Variants in CCDC60 observed in about 807,000 individuals in gnomAD.
CCDC60 encodes coiled-coil domain containing 60.
Under a neutral mutation model 63.5 loss-of-function variants are expected in CCDC60, and 54 were observed. The observed-to-expected ratio is 0.85, with a 90% CI of 0.68 to 1.07. CCDC60 has a LOEUF of 1.07. Ranked by LOEUF, CCDC60 falls within the 50% of genes least tolerant of loss-of-function variation. CCDC60 has a pLI of 0.00. For missense variants in CCDC60, 651 were observed against 684.3 expected (o/e 0.95, Z 0.54); for synonymous variants, 206 against 238.8 (o/e 0.86, Z 1.27).
At chr12:119,482,709 G>A (rs1204673462) in intron 4 of CCDC60, among the ~76,000 whole-genome samples, 2 of 152,120 alleles carry the variant, frequency 1.3e-5, no homozygotes, top group African/African-American at 2.4e-5. Context: ...TTAAAACAAC[G>A]ATTTAGTATT....
chr12:119,476,058 A>G (rs1257935223), intron 3 of CCDC60, among the ~76,000 whole-genome samples: 1 of 152,130 alleles, frequency 6.6e-6, no homozygotes, highest in Non-Finnish European at 1.5e-5. Context: ...GCATCATAAA[A>G]GCGAAAGGAA....
At position 119,473,993 on chromosome 12, in the gene CCDC60, G is replaced by A. The variant is rs867957461; in HGVS notation, c.341+1829G>A. ...CCTCTGAGTAGATACTGAGTAGTGG[G>A]ATTGCTGGATCAAATGGTAGTTCTA... On this transcript the variant is annotated intron_variant, in intron 3 of 13. Coordinates refer to ENST00000327554, the MANE Select transcript of CCDC60 (RefSeq NM_178499.5). 4.7e-4 allele frequency among the ~76,000 whole-genome samples: 71 copies of A among 152,290 alleles called. 1 individual carries two copies. The highest frequency in any genetic ancestry group is 1.5e-3 in the African/African-American group (63 of 41,558).
intron 2 of CCDC60, among the ~76,000 whole-genome samples, chr12:119,439,262 T>A (rs1950391878): frequency 6.6e-6 from 1 of 151,702 alleles, no homozygotes; most frequent in African/African-American, 2.4e-5. Flanking sequence ...AACTTGTGTG[T>A]GTGTGCACGT....
chr12:119,512,943 C>A (rs1952252654), intron 7 of CCDC60, among the ~76,000 whole-genome samples: 1 of 152,210 alleles, frequency 6.6e-6, no homozygotes, highest in Admixed American at 6.5e-5. Flanking sequence ...TCTCCAATGG[C>A]TCTCTGTCTG....
chr12:119,517,290 G>A (rs1288919071), intron 8 of CCDC60, among the ~76,000 whole-genome samples: 1 of 152,048 alleles, frequency 6.6e-6, no homozygotes, highest in African/African-American at 2.4e-5. Context: ...CACCATACCT[G>A]GCAAATCCAG....
intron 2 of CCDC60, among the ~76,000 whole-genome samples, chr12:119,459,179 A>G (rs535029229): frequency 1.3e-5 from 2 of 152,298 alleles, no homozygotes; most frequent in Non-Finnish European, 2.9e-5. Flanking sequence ...TTCTGGAAAG[A>G]GTTCCTTTCA....
chr12:119,500,632 T>C (rs1002558645), intron 6 of CCDC60, among the ~76,000 whole-genome samples: 6 of 145,358 alleles, frequency 4.1e-5, no homozygotes, highest in African/African-American at 1.5e-4. Flanking sequence ...GGCAGGAGGA[T>C]CGCTTGAGCC....
chr12:119,523,709 A>T lies in CCDC60; in HGVS notation c.1120A>T (p.Ile374Phe), dbSNP rs974962702. The T allele has an allele frequency of 1.2e-6, 2 of 1,614,190 alleles. No homozygotes were observed. Among genetic ancestry groups the T allele is most frequent in the African/African-American group, 2.7e-5 (2 of 75,066 alleles). ...TGTCCACAGCCGCACTAATTGTGAC[A>T]TCAACATCCACTACAAGAGTGGGGT... ...KKSKNRTNCD[I>F]NIHYKSGVCN... The change falls in exon 11 of 14, where the codon ATC (isoleucine) becomes TTC (phenylalanine). Residue 374 changes from isoleucine (I) to phenylalanine (F), a missense_variant. Coordinates refer to ENST00000327554, the MANE Select transcript of CCDC60 (RefSeq NM_178499.5).
intron 2 of CCDC60, chr12:119,447,947 T>C (rs761556561): frequency 6.8e-6 from 1 of 146,454 alleles, no homozygotes; most frequent in African/African-American, 2.6e-5. Flanking sequence ...CTGAGTCTAA[T>C]AGAGGCAAAC....
intron 1 of CCDC60, among the ~76,000 whole-genome samples, chr12:119,384,938 G>T (rs79571421): frequency 0.11 from 13,063 of 118,462 alleles, 708 homozygotes; most frequent in Non-Finnish European, 0.17. Context: ...AACATTGAGT[G>T]GGGGGGCTGA....
intron 1 of CCDC60, among the ~76,000 whole-genome samples, chr12:119,377,837 C>T (rs1955969003): frequency 6.6e-6 from 1 of 152,190 alleles, no homozygotes; most frequent in Non-Finnish European, 1.5e-5. Flanking sequence ...GTATGCCAGG[C>T]ACAGACGTGG....
chr12:119,487,199 G>A (rs539791395), intron 4 of CCDC60, among the ~76,000 whole-genome samples: 2 of 152,214 alleles, frequency 1.3e-5, no homozygotes, highest in Admixed American at 1.3e-4. Context: ...AATCCTAGCA[G>A]TGTGACCTCA....
intron 5 of CCDC60, among the ~76,000 whole-genome samples, chr12:119,495,346 A>G (rs1376116706): frequency 2.6e-5 from 4 of 152,228 alleles, no homozygotes; most frequent in African/African-American, 9.6e-5. Flanking sequence ...GCCCCAGGAT[A>G]CAAAAGGGAC....
At chr12:119,447,905 A>C (rs1428333312) in intron 2 of CCDC60, 3 of 152,234 alleles carry the variant, frequency 2.0e-5, no homozygotes, top group East Asian at 3.9e-4. Context: ...ACTCTGTCTC[A>C]AAAGAAAAAA....
chr12:119,507,568 A>G (rs1322357130), intron 7 of CCDC60, among the ~76,000 whole-genome samples: 4 of 56,460 alleles, frequency 7.1e-5, no homozygotes, highest in Admixed American at 6.4e-4. Context: ...ATATATATAT[A>G]TGTATATATA....
At chr12:119,499,167 A>C (rs537282342) in intron 5 of CCDC60, among the ~76,000 whole-genome samples, 17 of 152,308 alleles carry the variant, frequency 1.1e-4, no homozygotes, top group Non-Finnish European at 2.4e-4. Context: ...CAAAATTATT[A>C]ATTTGGCAAC....
At chr12:119,523,853 C>T in intron 11 of CCDC60, 35 bp downstream of exon 11, 1 of 1,607,550 alleles carries the variant, frequency 6.2e-7, no homozygotes, top group Non-Finnish European at 8.5e-7. Flanking sequence ...ATTCAAACAG[C>T]ATTCACTGGG....
At chr12:119,415,874 A>G (rs1956689439) in intron 1 of CCDC60, among the ~76,000 whole-genome samples, 1 of 152,174 alleles carries the variant, frequency 6.6e-6, no homozygotes, top group African/African-American at 2.4e-5. Context: ...GTGCCCAATA[A>G]AACTGTAATA....
At chr12:119,400,684 G>C (rs1956375930) in intron 1 of CCDC60, among the ~76,000 whole-genome samples, 1 of 152,224 alleles carries the variant, frequency 6.6e-6, no homozygotes, top group African/African-American at 2.4e-5. Context: ...TGGTTCACCT[G>C]GTCAGAATGT....
Sources: gnomAD v4.1 joint callset for allele counts (sites outside exome capture counted in the v4.1 genomes callset) on GRCh38, gnomAD v4.1.1 for gene constraint, MANE v1.5 for transcripts, NCBI Gene and HGNC (gene_info 2026-07-23, HGNC 2026-07-21) for gene names.